Variants in GGA1 observed in about 807,000 individuals in gnomAD.
GGA1 encodes golgi associated, gamma adaptin ear containing, ARF binding protein 1, also known as ADP-ribosylation factor-binding protein GGA1.
GGA1 carries 18 observed loss-of-function variants against 76.9 expected under a neutral mutation model. The observed-to-expected ratio is 0.23, with a 90% CI of 0.16 to 0.35. GGA1 has a LOEUF of 0.35. Ranked by LOEUF, GGA1 falls within the 10% of genes least tolerant of loss-of-function variation. The pLI is 1.00. For synonymous variants in GGA1, 342 were observed against 354.7 expected (o/e 0.96, Z 0.40); for missense variants, 755 against 859.0 (o/e 0.88, Z 1.51).
At chr22:37,612,791 A>G (rs1356475076) in intron 1 of GGA1, 3 of 459,192 alleles carry the variant, frequency 6.5e-6, no homozygotes, top group African/African-American at 4.3e-5. Context: ...AAAAAAATCC[A>G]TATTTCATTC....
At chr22:37,613,533 T>C (rs1346595143) in intron 1 of GGA1, among the ~76,000 whole-genome samples, 1 of 152,138 alleles carries the variant, frequency 6.6e-6, no homozygotes, top group Non-Finnish European at 1.5e-5. Flanking sequence ...CCCAAGTAGC[T>C]GGGACTACAG....
At chr22:37,617,112 A>C in intron 3 of GGA1, 115 bp downstream of exon 3, 2 of 1,529,768 alleles carry the variant, frequency 1.3e-6, no homozygotes, top group Non-Finnish European at 1.8e-6. Flanking sequence ...AGTTGTGCTA[A>C]GATGGCCCAG....
chr22:37,630,873 C>T, intron 13 of GGA1, 30 bp from the exon 14 acceptor site: 1 of 1,539,872 alleles, frequency 6.5e-7, no homozygotes, highest in Non-Finnish European at 8.9e-7. Context: ...GGCCAAGAAT[C>T]ACTTCTTAAT....
chr22:37,609,199 A>G (rs550755037), intron 1 of GGA1: 24 of 1,334,508 alleles, frequency 1.8e-5, no homozygotes, highest in Non-Finnish European at 2.2e-5. Context: ...GCAGCCTCCA[A>G]CCCCCAAGGC....
rs201629271 is a variant in GGA1 at position 37,617,052 on chromosome 22, G to T, written c.204+55G>T. On this transcript the variant is annotated intron_variant, in intron 3 of 16. Transcript: ENST00000343632. ...CCCGCCATGTGACGACACCAAGGGA[G>T]GCCAAGACTGAGGTTCTTGGGGTCC... The T allele has an allele frequency of 5.1e-6, 8 of 1,559,618 alleles. No individual in the cohort carries two copies. The East Asian group carries it at 1.9e-4, about 38-fold the overall frequency.
intron 3 of GGA1, 123 bp downstream of exon 3, chr22:37,617,120 C>T (rs1010884964): frequency 6.6e-7 from 1 of 1,520,596 alleles, no homozygotes; most frequent in Non-Finnish European, 8.8e-7. Context: ...TAAGATGGCC[C>T]AGGATGGAGG....
At chr22:37,628,070 C>A (rs1032138872) in intron 11 of GGA1, among the ~76,000 whole-genome samples, 11 of 152,186 alleles carry the variant, frequency 7.2e-5, no homozygotes, top group Admixed American at 6.5e-4. Context: ...TCAAGTGATC[C>A]ACCCACCCCA....
rs554381559 is a variant in GGA1, at chr22:37,622,971, C to A, written c.610-356C>A. Among the ~76,000 whole-genome samples, 491 of 152,326 alleles carry A rather than the reference C, an allele frequency of 3.2e-3. 1 individual carries two copies. The highest frequency in any genetic ancestry group is 5.1e-3 in the Admixed American group (78 of 15,306). On this transcript the variant is annotated intron_variant, in intron 7 of 16. Coordinates refer to ENST00000343632, the MANE Select transcript of GGA1 (RefSeq NM_013365.5). ...TTGCACTATGAAGTACAGGAACCTC[C>A]TTTGAAAGGGCAAACACAAGGAGGG...
chr22:37,626,735 C>T (rs1231290262), intron 11 of GGA1: 1 of 152,312 alleles, frequency 6.6e-6, no homozygotes, highest in African/African-American at 2.4e-5. Context: ...ACCCGGGGCG[C>T]CCTGGGCGGG....
intron 1 of GGA1, chr22:37,609,324 ACT>A (rs1219555897): frequency 6.3e-6 from 7 of 1,104,286 alleles, no homozygotes; most frequent in Admixed American, 1.2e-4. Context: ...CGAATCCTCC[ACT>A]CTCTGGCCCT....
chr22:37,614,063 G>T, intron 1 of GGA1, 127 bp from the exon 2 acceptor site: 2 of 710,814 alleles, frequency 2.8e-6, no homozygotes, highest in Non-Finnish European at 2.6e-6. Flanking sequence ...GGAAGGCAGG[G>T]GGAGAGCTTT....
intron 1 of GGA1, chr22:37,610,524 A>G (rs1011519453): frequency 6.6e-6 from 1 of 152,104 alleles, no homozygotes; most frequent in Non-Finnish European, 1.5e-5. Flanking sequence ...TATTTTTAGT[A>G]CAGGTGGGCT....
At chr22:37,610,705 T>C (rs1927360005) in intron 1 of GGA1, 1 of 152,238 alleles carries the variant, frequency 6.6e-6, no homozygotes, top group South Asian at 2.1e-4. Context: ...GTGAGGTAAA[T>C]GATGTTATTG....
At position 37,631,010 on chromosome 22, in the gene GGA1, C is replaced by A; in HGVS notation, c.1439C>A (p.Ser480Tyr). 6.2e-7 allele frequency: 1 copy of A among 1,613,324 alleles called. No homozygotes were observed. Among genetic ancestry groups the A allele is most frequent in the Non-Finnish European group, 8.5e-7 (1 of 1,179,624 alleles). Residue 480 changes from serine (S) to tyrosine (Y), a missense_variant, in exon 14 of 17, where the codon TCC (serine) becomes TAC (tyrosine). Coordinates refer to ENST00000343632, the MANE Select transcript of GGA1 (RefSeq NM_013365.5). ...SSATSLLHTV[S>Y]PEPPRPPQQP... ...GCCACCAGCCTTCTCCACACCGTGT[C>A]CCCAGAGCCCCCCAGGCCTCCGCAG... is the stretch of plus-strand genomic sequence containing the variant.
At chr22:37,614,639 T>A (rs1035253825) in intron 2 of GGA1, among the ~76,000 whole-genome samples, 6 of 152,196 alleles carry the variant, frequency 3.9e-5, no homozygotes, top group African/African-American at 1.4e-4. Context: ...AGGAGGCCAG[T>A]AGGCCCTTTG....
Position 37,630,123 on chromosome 22 carries a change from G to T in GGA1, c.1284G>T (p.Lys428Asn). The change falls in exon 13 of 17, where the codon AAG (lysine) becomes AAT (asparagine). Residue 428 changes from lysine to asparagine, a missense_variant. Coordinates refer to ENST00000343632, the MANE Select transcript of GGA1 (RefSeq NM_013365.5). Reference sequence around the variant, plus strand: ...TGGACGACCTAGACCTCCTGGGGAAGACCCTCCTGCAGCAGTCGCTGCCCC... The same window carrying T: ...TGGACGACCTAGACCTCCTGGGGAATACCCTCCTGCAGCAGTCGCTGCCCC... ...SGLDDLDLLG[K>N]TLLQQSLPPE... The T allele has an allele frequency of 1.2e-6, 2 of 1,607,786 alleles. No individual in the cohort carries two copies. Among genetic ancestry groups the T allele is most frequent in the Non-Finnish European group, 1.7e-6 (2 of 1,177,228 alleles).
intron 1 of GGA1, among the ~76,000 whole-genome samples, chr22:37,612,026 C>T (rs1014976840): frequency 4.0e-5 from 6 of 151,822 alleles, no homozygotes; most frequent in South Asian, 4.1e-4. Flanking sequence ...TGGTGGTGGA[C>T]GCCTGTGATC....
At chr22:37,614,302 C>T (rs1023851269) in intron 2 of GGA1, 28 bp downstream of exon 2, 16 of 1,467,034 alleles carry the variant, frequency 1.1e-5, no homozygotes, top group Non-Finnish European at 1.3e-5. Flanking sequence ...CTTGTTTGCA[C>T]TGCCCTGCAC....
chr22:37,624,444 ATT>A lies in GGA1; in HGVS notation c.833-523_833-522del, dbSNP rs1331276193. 1 of 145,472 alleles carries A rather than the reference ATT, an allele frequency of 6.9e-6. No homozygotes were observed. Among genetic ancestry groups the A allele is most frequent in the Non-Finnish European group, 1.5e-5 (1 of 67,604 alleles). The allele number at this position is 145,472 out of a possible 1,614,324, so 9.0% of individuals were successfully genotyped here. ...GAGACCCAGTCTCTATTTCAAATAT[ATT>A]TATATTAAAAAAAAAAAAAAAAGGT... On this transcript the variant is annotated intron_variant, in intron 9 of 16. Transcript: ENST00000343632. This position sits in a 1 kb window ranked among gnomAD's most constrained non-coding sequence, Gnocchi z 4.3.
Sources: allele counts gnomAD v4.1 joint callset (sites outside exome capture counted in the v4.1 genomes callset), GRCh38; gene constraint gnomAD v4.1.1; non-coding constraint Gnocchi (gnomAD v3.1); transcripts MANE v1.5; gene names NCBI Gene and HGNC (gene_info 2026-07-23, HGNC 2026-07-21).